Variants in DYNC2H1 observed in about 807,000 individuals in gnomAD.
DYNC2H1 encodes the protein dynein cytoplasmic 2 heavy chain 1.
DYNC2H1 carries 410 observed loss-of-function variants against 570.0 expected under a neutral mutation model. That is an observed-to-expected ratio of 0.72 (90% CI 0.66 to 0.78). The LOEUF (loss-of-function observed/expected upper bound fraction) is 0.78, where lower values mean the gene tolerates loss of function less well. DYNC2H1 is among the 30% of genes least tolerant of loss of function. The probability of loss-of-function intolerance (pLI) is 0.00; values close to 1 mark genes in which losing one functional copy is unlikely to be tolerated. For missense variants in DYNC2H1, 4,865 were observed against 5,046.4 expected, an observed-to-expected ratio of 0.96 and a Z score of 1.09; for synonymous variants, 1,688 against 1,677.6, an observed-to-expected ratio of 1.01 and a Z score of -0.15.
At chr11:103,328,621 G>A (rs1482012711) in intron 82 of DYNC2H1, among the ~76,000 whole-genome samples, 1 of 152,140 alleles carries the variant, frequency 6.6e-6, no homozygotes, top group East Asian at 1.9e-4. Context: ...AACCAATTTT[G>A]TACAAATATG....
At chr11:103,142,473 C>T (rs752411377) in intron 17 of DYNC2H1, among the ~76,000 whole-genome samples, 12 of 152,064 alleles carry the variant, frequency 7.9e-5, no homozygotes, top group African/African-American at 7.2e-5. Context: ...AGTTTGAGAC[C>T]AGCCTCGTCA....
intron 75 of DYNC2H1, among the ~76,000 whole-genome samples, chr11:103,300,852 A>G (rs1231236100): frequency 6.6e-6 from 1 of 151,918 alleles, no homozygotes. Flanking sequence ...TTTTTTAGAC[A>G]GTTTTTGTAC....
intron 83 of DYNC2H1, among the ~76,000 whole-genome samples, chr11:103,396,008 C>T (rs1942383421): frequency 6.6e-6 from 1 of 152,130 alleles, no homozygotes; most frequent in Non-Finnish European, 1.5e-5. Flanking sequence ...TTTAAAGTGA[C>T]TGTTCATCGA....
chr11:103,118,380 T>A (rs1858527331), intron 6 of DYNC2H1, among the ~76,000 whole-genome samples: 2 of 152,118 alleles, frequency 1.3e-5, no homozygotes, highest in Non-Finnish European at 1.5e-5. Context: ...AAAACTTTTT[T>A]AAAAAATGAA....
Position 103,303,003 on chromosome 11 carries a change from T to G in DYNC2H1, c.11096-90T>G. 3.2e-6 allele frequency: 3 copies of G among 948,646 alleles called. No homozygotes were observed. The South Asian group carries it at 1.2e-4, about 39-fold the overall frequency. The allele number at this position is 948,646 out of a possible 1,614,324, so 58.8% of individuals were successfully genotyped here. A position where few individuals can be genotyped will look rare whatever the true frequency, so the allele number is the denominator to read the frequency against. On this transcript the variant is annotated intron_variant, in intron 75 of 88. Transcript: ENST00000375735. Reference sequence around the variant, plus strand: ...TATGAGATTACAACTCACCTGGGTATTCTCTATTATATATCATATAATTAG... The same window carrying G: ...TATGAGATTACAACTCACCTGGGTAGTCTCTATTATATATCATATAATTAG...
Position 103,174,140 on chromosome 11 carries a change from C to G in DYNC2H1, c.5644C>G (p.Gln1882Glu). The G allele has an allele frequency of 6.3e-7, 1 of 1,583,386 alleles. No homozygotes were observed. The highest frequency in any genetic ancestry group is 1.3e-5 in the African/African-American group (1 of 74,476). Residue 1882 changes from glutamine (Q) to glutamate (E), a missense_variant, in exon 36 of 89, where the codon CAG becomes GAG. Gln to Glu is a conservative substitution (Grantham distance 29). Coordinates refer to ENST00000375735, the MANE Select transcript of DYNC2H1 (RefSeq NM_001377.3). ...GAGAGGAAGTGGAAATCTCCTTAGA[C>G]AGCTAAACAAAAGTGGCACTACACA... ...VLRGSGNLLR[Q>E]LNKSGTTQNA...
At chr11:103,410,903 C>A (rs1324794986) in intron 84 of DYNC2H1, among the ~76,000 whole-genome samples, 1 of 152,098 alleles carries the variant, frequency 6.6e-6, no homozygotes, top group Non-Finnish European at 1.5e-5. Flanking sequence ...TTTATCACTG[C>A]TGTTTCCCGT....
Position 103,255,500 on chromosome 11 carries a change from T to C in DYNC2H1, c.10292T>C (p.Ile3431Thr), listed in dbSNP as rs1325471732. 2 of 1,562,272 alleles carry C rather than the reference T, an allele frequency of 1.3e-6. No individual in the cohort carries two copies. The highest frequency in any genetic ancestry group is 3.8e-5 in the Admixed American group (2 of 52,362). ...TTACAACAGGAAGAAGATAAGAAAATACAGCTAGCCAAGCTCGAAGAATCT... is the reference window on the plus strand; with the variant it reads ...TTACAACAGGAAGAAGATAAGAAAACACAGCTAGCCAAGCTCGAAGAATCT... ...KLLQQEEDKK[I>T]QLAKLEESLL... The change falls in exon 67 of 89, where the codon ATA becomes ACA. Residue 3431 changes from isoleucine (I) to threonine (T), a missense_variant. Coordinates refer to ENST00000375735, the MANE Select transcript of DYNC2H1 (RefSeq NM_001377.3).
In DYNC2H1 at chr11:103,147,170, C is replaced by T. The variant is rs966947140; in HGVS notation, c.2703-602C>T. Among the ~76,000 whole-genome samples the T allele has an allele frequency of 2.8e-4, 43 of 152,200 alleles. 1 individual carries two copies. The highest frequency in any genetic ancestry group is 2.5e-3 in the Admixed American group (38 of 15,294). ...GATATGCCAGTTTAAAATTATTTGACGTGTACATTGCTCTTTACAAAGATT... is the reference window on the plus strand; with the variant it reads ...GATATGCCAGTTTAAAATTATTTGATGTGTACATTGCTCTTTACAAAGATT... On this transcript the variant is annotated intron_variant, in intron 18 of 88. Coordinates refer to ENST00000375735, the MANE Select transcript of DYNC2H1 (RefSeq NM_001377.3).
intron 82 of DYNC2H1, among the ~76,000 whole-genome samples, chr11:103,351,320 G>C (rs1940043918): frequency 6.6e-6 from 1 of 152,136 alleles, no homozygotes. Context: ...TCCTTTTGAA[G>C]TCTAGGCTTT....
intron 1 of DYNC2H1, 81 bp from the exon 2 acceptor site, chr11:103,113,456 T>A: frequency 8.8e-7 from 1 of 1,132,712 alleles, no homozygotes; most frequent in Non-Finnish European, 1.2e-6. Flanking sequence ...GAGGTATAAT[T>A]ATAGTGATAG....
At chr11:103,403,383 A>C (rs562070854) in intron 84 of DYNC2H1, 2 of 152,084 alleles carry the variant, frequency 1.3e-5, no homozygotes, top group African/African-American at 4.8e-5. Flanking sequence ...ATTATTGACA[A>C]GATAACAATA....
Position 103,479,155 on chromosome 11 carries a change from G to A in DYNC2H1, c.12826G>A (p.Glu4276Lys). Residue 4276 changes from glutamate to lysine, a missense_variant, in exon 89 of 89, where the codon GAA becomes AAA. Physicochemically the swap from Glu to Lys is moderately conservative, Grantham distance 56. Around this residue, in one of 5 missense-constraint regions of DYNC2H1, gnomAD observed 2,401 missense variants for 2,454.6 expected, o/e 0.98. Coordinates refer to ENST00000375735, the MANE Select transcript of DYNC2H1 (RefSeq NM_001377.3). Reference sequence around the variant, plus strand: ...CTCTTTGCCTGTTTACACAAGTGCTGAAAGGGATCGTGTGGTTACCAATAT... The same window carrying A: ...CTCTTTGCCTGTTTACACAAGTGCTAAAAGGGATCGTGTGGTTACCAATAT... ...CISLPVYTSA[E>K]RDRVVTNIDV... 1 of 1,613,838 alleles carries A rather than the reference G, an allele frequency of 6.2e-7. No homozygotes were observed. Among genetic ancestry groups the A allele is most frequent in the East Asian group, 2.2e-5 (1 of 44,858 alleles).
chr11:103,129,125 G>C lies in DYNC2H1; in HGVS notation c.1953+120G>C. On this transcript the variant is annotated intron_variant, in intron 13 of 88. Coordinates refer to ENST00000375735, the MANE Select transcript of DYNC2H1 (RefSeq NM_001377.3). This position sits in a 1 kb window ranked among gnomAD's most constrained non-coding sequence, Gnocchi z 4.1. ...TGATCTAGATTTTGTTTTGCTTCCA[G>C]GGACTTCCTTCAATCTTAGCAAGTA... 1 of 760,406 alleles carries C rather than the reference G, an allele frequency of 1.3e-6. No homozygotes were observed. Among genetic ancestry groups the C allele is most frequent in the Non-Finnish European group, 2.0e-6 (1 of 491,360 alleles). 47.1% of individuals were successfully genotyped at this position (760,406 alleles called of 1,614,324 possible).
intron 82 of DYNC2H1, among the ~76,000 whole-genome samples, chr11:103,356,209 C>T (rs1940328915): frequency 6.6e-6 from 1 of 151,990 alleles, no homozygotes; most frequent in Admixed American, 6.6e-5. Flanking sequence ...ATTTTATTAT[C>T]TATGCTTTAT....
chr11:103,126,999 T>G (rs2134742117), intron 12 of DYNC2H1, among the ~76,000 whole-genome samples: 1 of 152,364 alleles, frequency 6.6e-6, no homozygotes, highest in Admixed American at 6.5e-5. Context: ...ATAAGTACTA[T>G]ATTACAGATG....
Position 103,289,019 on chromosome 11 carries a change from C to T in DYNC2H1, c.11095+1414C>T, listed in dbSNP as rs1866480227. On this transcript the variant is annotated intron_variant, in intron 75 of 88. Transcript: ENST00000375735. This position sits in a 1 kb window ranked among gnomAD's most constrained non-coding sequence, Gnocchi z 4.2. The stretch of plus-strand genomic sequence containing the variant: ...TAAGATCAGTAGTTGAGATATTTTG[C>T]AGACCCTGCACTAGATGGATCAGCT... 6.6e-6 allele frequency among the ~76,000 whole-genome samples: 1 copy of T among 152,048 alleles called. No homozygotes were observed. The highest frequency in any genetic ancestry group is 1.5e-5 in the Non-Finnish European group (1 of 67,998).
intron 82 of DYNC2H1, among the ~76,000 whole-genome samples, chr11:103,343,108 T>G (rs1432566624): frequency 1.3e-5 from 2 of 152,180 alleles, no homozygotes; most frequent in African/African-American, 4.8e-5. Context: ...GAGCATTGGT[T>G]TGCCTGGAAT....
intron 75 of DYNC2H1, among the ~76,000 whole-genome samples, chr11:103,296,563 T>A (rs1866834992): frequency 6.6e-6 from 1 of 152,168 alleles, no homozygotes; most frequent in South Asian, 2.1e-4. Flanking sequence ...AATTCTTCAT[T>A]TCCCATCAAC....
Sources: allele counts gnomAD v4.1 joint callset (sites outside exome capture counted in the v4.1 genomes callset), GRCh38; gene constraint gnomAD v4.1.1; regional missense constraint gnomAD v4.1.1; non-coding constraint Gnocchi (gnomAD v3.1); transcripts MANE v1.5; gene names NCBI Gene and HGNC (gene_info 2026-07-23, HGNC 2026-07-21).